The following CAMKMT variants were observed in gnomAD, a reference collection of about 807,000 sequenced individuals.
CAMKMT encodes the protein CaM KMT.
In CAMKMT, 53 loss-of-function variants were observed where a neutral mutation model predicts 48.0. The ratio of observed to expected loss-of-function variants is 1.10; its 90% CI spans 0.89 to 1.39. The LOEUF is 1.39. Among genes scored for constraint, CAMKMT ranks in the 40% most tolerant of loss-of-function variants. CAMKMT has a pLI of 0.00. For synonymous variants in CAMKMT, 165 were observed against 152.3 expected (o/e 1.08, Z -0.61); for missense variants, 428 against 402.7 (o/e 1.06, Z -0.54).
At chr2:44,758,597 C>T (rs1680478821) in intron 9 of CAMKMT, among the ~76,000 whole-genome samples, 2 of 152,144 alleles carry the variant, frequency 1.3e-5, no homozygotes, top group Non-Finnish European at 1.5e-5. Context: ...ATAGAATAGG[C>T]ATGAAAAAGG....
rs149595872 is a variant in CAMKMT, at chr2:44,735,325, C to T, written c.624-8297C>T. Among the ~76,000 whole-genome samples, 417 of 152,262 alleles carry T rather than the reference C, an allele frequency of 2.7e-3. 1 individual carries two copies. The highest frequency in any genetic ancestry group is 7.1e-3 in the East Asian group (37 of 5,180). The stretch of plus-strand genomic sequence containing the variant: ...GACACACTCTGCCTTTTAATTGGAG[C>T]GTTCAGACCATTTTTGTTTAGTACA... On this transcript the variant is annotated intron_variant, in intron 7 of 10. Transcript: ENST00000378494.
At chr2:44,473,921 G>A (rs902177093) in intron 3 of CAMKMT, among the ~76,000 whole-genome samples, 5 of 152,134 alleles carry the variant, frequency 3.3e-5, no homozygotes, top group African/African-American at 9.7e-5. Context: ...GGGACCAGTT[G>A]TTCTATTTAG....
chr2:44,406,380 GA>G (rs947366541), intron 3 of CAMKMT, among the ~76,000 whole-genome samples: 17 of 151,894 alleles, frequency 1.1e-4, no homozygotes, highest in African/African-American at 3.9e-4. Context: ...TAATAAGTTT[GA>G]TTTATTATAA....
chr2:44,429,279 G>GTGTA (rs970957474), intron 3 of CAMKMT, among the ~76,000 whole-genome samples: 1 of 18,434 alleles, frequency 5.4e-5, no homozygotes, highest in African/African-American at 8.5e-5. Context: ...GTGTGTGTAT[G>GTGTA]TGTGTGTGTG....
chr2:44,508,693 T>C (rs1236787506), intron 3 of CAMKMT, among the ~76,000 whole-genome samples: 1 of 152,208 alleles, frequency 6.6e-6, no homozygotes, highest in Non-Finnish European at 1.5e-5. Flanking sequence ...TTCCTTTAGG[T>C]AAATAATCCT....
chr2:44,560,473 T>C (rs7607525), intron 3 of CAMKMT, among the ~76,000 whole-genome samples: 68,598 of 151,926 alleles, frequency 0.45, 17,778 homozygotes, highest in Non-Finnish European at 0.59. Context: ...TGTCTTGCTA[T>C]ATTGCCCAGG....
intron 3 of CAMKMT, among the ~76,000 whole-genome samples, chr2:44,486,072 C>T (rs1669202311): frequency 6.6e-6 from 1 of 152,176 alleles, no homozygotes; most frequent in South Asian, 2.1e-4. Flanking sequence ...TCAAGCAATT[C>T]TCATGCCTCA....
intron 3 of CAMKMT, among the ~76,000 whole-genome samples, chr2:44,512,962 T>C (rs1670643716): frequency 1.3e-5 from 2 of 152,124 alleles, no homozygotes; most frequent in Non-Finnish European, 2.9e-5. Context: ...AAACAAAATA[T>C]CTATTTAATT....
At chr2:44,725,152 G>C (rs1678711206) in intron 7 of CAMKMT, among the ~76,000 whole-genome samples, 1 of 147,324 alleles carries the variant, frequency 6.8e-6, no homozygotes, top group Non-Finnish European at 1.5e-5. Flanking sequence ...ACGTGTGTGT[G>C]TGTGTGTGTG....
chr2:44,648,346 A>C (rs973190718), intron 3 of CAMKMT, among the ~76,000 whole-genome samples: 5 of 152,170 alleles, frequency 3.3e-5, no homozygotes, highest in African/African-American at 1.2e-4. Flanking sequence ...CACACTTTTT[A>C]ATAATTTTTT....
intron 3 of CAMKMT, among the ~76,000 whole-genome samples, chr2:44,595,406 T>A (rs990073399): frequency 1.3e-5 from 2 of 152,132 alleles, no homozygotes; most frequent in African/African-American, 4.8e-5. Flanking sequence ...TGCCTGGCAA[T>A]TGCTACAAAG....
chr2:44,388,411 AT>A (rs1366133981), intron 2 of CAMKMT, among the ~76,000 whole-genome samples: 4 of 151,800 alleles, frequency 2.6e-5, no homozygotes, highest in African/African-American at 9.7e-5. Flanking sequence ...TTCACTTCTT[AT>A]ATTGTTCTTT....
intron 3 of CAMKMT, among the ~76,000 whole-genome samples, chr2:44,452,249 G>C (rs370903910): frequency 4.6e-5 from 7 of 152,052 alleles, no homozygotes; most frequent in African/African-American, 1.7e-4. Flanking sequence ...CTTTAACATA[G>C]AATGAATATG....
At chr2:44,680,367 G>T (rs904862311) in intron 3 of CAMKMT, among the ~76,000 whole-genome samples, 2 of 152,146 alleles carry the variant, frequency 1.3e-5, no homozygotes, top group Non-Finnish European at 2.9e-5. Flanking sequence ...AGAGGACAGC[G>T]ACAGACAGTT....
Position 44,715,323 on chromosome 2 carries a change from G to T in CAMKMT, c.593G>T (p.Gly198Val), listed in dbSNP as rs151250567. The change falls in exon 7 of 11, where the codon GGT becomes GTT. Residue 198 changes from glycine (G) to valine (V), a missense_variant. Transcript: ENST00000378494. ...ATCATCACAAGGAATCAGAAGGCTG[G>T]TGTGTTTAAGACCCAGAAAATATCA... ...QDIITRNQKA[G>V]VFKTQKISSC... 28 of 1,613,284 alleles carry T rather than the reference G, an allele frequency of 1.7e-5. No individual in the cohort carries two copies. The highest frequency in any genetic ancestry group is 2.3e-5 in the Non-Finnish European group (27 of 1,179,640).
At chr2:44,390,538 G>T (rs1181345392) in intron 3 of CAMKMT, among the ~76,000 whole-genome samples, 3 of 150,622 alleles carry the variant, frequency 2.0e-5, no homozygotes, top group Non-Finnish European at 4.4e-5. Flanking sequence ...TGGGGGGGAG[G>T]TGGGGGAGGG....
chr2:44,503,906 T>C (rs1046927397), intron 3 of CAMKMT, among the ~76,000 whole-genome samples: 1 of 151,822 alleles, frequency 6.6e-6, no homozygotes, highest in Non-Finnish European at 1.5e-5. Flanking sequence ...CTTATGTTCT[T>C]ACATGGCTTT....
At chr2:44,594,191 G>A (rs1195582661) in intron 3 of CAMKMT, among the ~76,000 whole-genome samples, 1 of 152,188 alleles carries the variant, frequency 6.6e-6, no homozygotes, top group Non-Finnish European at 1.5e-5. Flanking sequence ...AACATTCCAT[G>A]CTCATGGATA....
intron 3 of CAMKMT, among the ~76,000 whole-genome samples, chr2:44,552,135 A>G (rs2103655307): frequency 6.6e-6 from 1 of 152,212 alleles, no homozygotes; most frequent in South Asian, 2.1e-4. Flanking sequence ...CTCATCTCTC[A>G]TCCTCCCCTC....
Sources: gnomAD v4.1 joint callset for allele counts (sites outside exome capture counted in the v4.1 genomes callset) on GRCh38, gnomAD v4.1.1 for gene constraint, MANE v1.5 for transcripts, NCBI Gene and HGNC (gene_info 2026-07-23, HGNC 2026-07-21) for gene names.